The following SEMA5A variants were observed in gnomAD, a reference collection of about 807,000 sequenced individuals.
The protein encoded by SEMA5A is semaphorin 5A, also known as semaphorin-5A.
A neutral mutation model predicts 135.5 loss-of-function variants in SEMA5A; 55 were observed. The ratio of observed to expected loss-of-function variants is 0.41; its 90% confidence interval spans 0.33 to 0.51. The LOEUF is 0.51. Among genes scored for constraint, SEMA5A ranks in the 20% least tolerant of loss-of-function variants. SEMA5A has a pLI of 0.37. For synonymous variants in SEMA5A, 580 were observed against 546.5 expected (o/e 1.06, Z -0.85); for missense variants, 1,290 against 1,419.9 (o/e 0.91, Z 1.47).
At chr5:9,385,992 G>T (rs1272321943) in intron 2 of SEMA5A, among the ~76,000 whole-genome samples, 2 of 151,954 alleles carry the variant, frequency 1.3e-5, no homozygotes, top group African/African-American at 4.8e-5. Context: ...AGTAGAGACA[G>T]GGTTTCACCA....
In SEMA5A at chr5:9,108,189, G is replaced by A; in HGVS notation, c.2024C>T (p.Ala675Val). Residue 675 changes from alanine to valine, a missense_variant, in exon 16 of 23, where the codon GCT (alanine) becomes GTT (valine). Physicochemically the swap from Ala to Val is moderately conservative, Grantham distance 64. Coordinates refer to ENST00000382496, the MANE Select transcript of SEMA5A (RefSeq NM_003966.3). ...CCCATTCTCACAGATCCTGCGGCGA[G>A]CTTGAATGCCACCCCCGCATTGGGC... ...CTAQCGGGIQ[A>V]RRRICENGPD... 6.2e-7 allele frequency: 1 copy of A among 1,614,170 alleles called. No homozygotes were observed. The highest frequency in any genetic ancestry group is 8.5e-7 in the Non-Finnish European group (1 of 1,180,032).
At chr5:9,344,160 T>C (rs1329488860) in intron 3 of SEMA5A, among the ~76,000 whole-genome samples, 1 of 152,252 alleles carries the variant, frequency 6.6e-6, no homozygotes, top group African/African-American at 2.4e-5. Flanking sequence ...GTATCAGGAA[T>C]TGTATGAGAT....
chr5:9,222,040 A>G (rs1747031139), intron 8 of SEMA5A, among the ~76,000 whole-genome samples: 1 of 152,162 alleles, frequency 6.6e-6, no homozygotes, highest in African/African-American at 2.4e-5. Flanking sequence ...GAGACACAGA[A>G]GCCAAGGGGT....
chr5:9,252,629 C>T (rs1748858100), intron 5 of SEMA5A, among the ~76,000 whole-genome samples: 1 of 152,148 alleles, frequency 6.6e-6, no homozygotes, highest in Non-Finnish European at 1.5e-5. Flanking sequence ...AACTGGTAAG[C>T]ATGGAGGTCA....
At chr5:9,166,126 C>T (rs974058662) in intron 11 of SEMA5A, among the ~76,000 whole-genome samples, 4 of 152,114 alleles carry the variant, frequency 2.6e-5, no homozygotes, top group Admixed American at 2.6e-4. Context: ...TTTAAAATCA[C>T]AAAGTATTAA....
chr5:9,467,499 AG>A (rs1334414446), intron 1 of SEMA5A, among the ~76,000 whole-genome samples: 1 of 152,148 alleles, frequency 6.6e-6, no homozygotes, highest in Non-Finnish European at 1.5e-5. Context: ...TGAGAACTTC[AG>A]GGTATTTACT....
intron 2 of SEMA5A, among the ~76,000 whole-genome samples, chr5:9,427,459 T>C (rs755872813): frequency 9.7e-4 from 147 of 152,286 alleles, no homozygotes; most frequent in Middle Eastern, 3.4e-3. Context: ...AGAATAGACC[T>C]GCCTATCAAA....
intron 2 of SEMA5A, among the ~76,000 whole-genome samples, chr5:9,408,477 T>G (rs935218771): frequency 6.6e-6 from 1 of 152,334 alleles, no homozygotes; most frequent in African/African-American, 2.4e-5. Context: ...ACAGTGGATA[T>G]GCAGTAAATA....
chr5:9,074,453 C>T (rs1021329944), intron 16 of SEMA5A, among the ~76,000 whole-genome samples: 1 of 151,864 alleles, frequency 6.6e-6, no homozygotes, highest in African/African-American at 2.4e-5. Flanking sequence ...AAATAAAATA[C>T]CAAAAGCACC....
At chr5:9,318,921 C>T (rs558443443) in intron 4 of SEMA5A, among the ~76,000 whole-genome samples, 5 of 152,238 alleles carry the variant, frequency 3.3e-5, no homozygotes, top group South Asian at 2.1e-4. Context: ...AACTTGGGCC[C>T]GGCATGGTGG....
At chr5:9,503,131 G>GAA (rs1735680904) in intron 1 of SEMA5A, among the ~76,000 whole-genome samples, 1 of 152,054 alleles carries the variant, frequency 6.6e-6, no homozygotes, top group Admixed American at 6.6e-5. Context: ...AAAAGAGAGA[G>GAA]AGAGAGAGAG....
chr5:9,200,637 G>A (rs554144774), intron 9 of SEMA5A, among the ~76,000 whole-genome samples: 1 of 152,290 alleles, frequency 6.6e-6, no homozygotes, highest in East Asian at 1.9e-4. Context: ...TATGTGTGGA[G>A]CCATCCATAC....
At chr5:9,092,557 G>A (rs546854521) in intron 16 of SEMA5A, among the ~76,000 whole-genome samples, 1 of 152,294 alleles carries the variant, frequency 6.6e-6, no homozygotes, top group Non-Finnish European at 1.5e-5. Context: ...TTACCATTTG[G>A]AGCAGCCCTG....
chr5:9,507,031 C>T (rs1300764247), intron 1 of SEMA5A, among the ~76,000 whole-genome samples: 4 of 152,134 alleles, frequency 2.6e-5, no homozygotes, highest in African/African-American at 7.2e-5. Context: ...AATGTTTACT[C>T]TTGTTAGAAA....
At chr5:9,221,148 G>T (rs1358675149) in intron 8 of SEMA5A, among the ~76,000 whole-genome samples, 1 of 152,186 alleles carries the variant, frequency 6.6e-6, no homozygotes, top group South Asian at 2.1e-4. Flanking sequence ...ACTCAAGAGA[G>T]AAGTCTGAGA....
At chr5:9,254,975 C>T (rs191626519) in intron 5 of SEMA5A, among the ~76,000 whole-genome samples, 1 of 152,132 alleles carries the variant, frequency 6.6e-6, no homozygotes, top group East Asian at 1.9e-4. Flanking sequence ...AGTATAAGTA[C>T]ACATTTAGGG....
chr5:9,430,042 G>T (rs1160941611), intron 2 of SEMA5A, among the ~76,000 whole-genome samples: 1 of 152,214 alleles, frequency 6.6e-6, no homozygotes, highest in Non-Finnish European at 1.5e-5. Flanking sequence ...CTTAGCTGAG[G>T]CAGGGAGCAG....
chr5:9,219,120 C>A (rs1746792692), intron 8 of SEMA5A, among the ~76,000 whole-genome samples: 1 of 152,242 alleles, frequency 6.6e-6, no homozygotes, highest in Non-Finnish European at 1.5e-5. Flanking sequence ...CTCAGATCGT[C>A]TAACTCCAAA....
intron 16 of SEMA5A, among the ~76,000 whole-genome samples, chr5:9,091,675 C>A (rs938886661): frequency 2.6e-5 from 4 of 152,168 alleles, no homozygotes; most frequent in Admixed American, 2.6e-4. Context: ...ACTGAAGACC[C>A]ACAGGCCAAC....
Sources: gnomAD v4.1 joint callset for allele counts (sites outside exome capture counted in the v4.1 genomes callset) on GRCh38, gnomAD v4.1.1 for gene constraint, MANE v1.5 for transcripts, NCBI Gene and HGNC (gene_info 2026-07-23, HGNC 2026-07-21) for gene names.